Variants in ART1 observed in about 807,000 individuals in gnomAD.
ART1 encodes the protein ADP-ribosyltransferase 1.
A neutral mutation model predicts 27.0 loss-of-function variants in ART1; 29 were observed. The ratio of observed to expected loss-of-function variants is 1.08; its 90% CI spans 0.80 to 1.47. The LOEUF is 1.47. Ranked by LOEUF, ART1 falls within the 40% of genes most tolerant of loss-of-function variation. The probability of loss-of-function intolerance (pLI) is 0.00; values close to 1 mark genes in which losing one functional copy is unlikely to be tolerated. For missense variants in ART1, 480 were observed against 423.0 expected (o/e 1.13, Z -1.18); for synonymous variants, 201 against 172.2 (o/e 1.17, Z -1.31).
intron 1 of ART1, among the ~76,000 whole-genome samples, chr11:3,646,989 T>C (rs184240396): frequency 2.1e-4 from 32 of 152,248 alleles, no homozygotes; most frequent in African/African-American, 7.5e-4. Flanking sequence ...TTAAATGTTC[T>C]TGCTACATGA....
At position 3,648,203 on chromosome 11, in the gene ART1, C is replaced by G. The variant is rs952694829; in HGVS notation, c.-53+3024C>G. 3.3e-5 allele frequency among the ~76,000 whole-genome samples: 5 copies of G among 152,318 alleles called. No homozygotes were observed. In the South Asian group the frequency reaches 1.0e-3, roughly 32 times the overall value. ...AAACGGCCCCACCCTTATCTCCCTTCGCTGACTCTCTTTTCGGACTCAGTC... is the reference window on the plus strand; with the variant it reads ...AAACGGCCCCACCCTTATCTCCCTTGGCTGACTCTCTTTTCGGACTCAGTC... On this transcript the variant is annotated intron_variant, in intron 1 of 4. Transcript: ENST00000250693.
intron 1 of ART1, among the ~76,000 whole-genome samples, chr11:3,654,797 A>C (rs28485465): frequency 7.1e-6 from 1 of 140,650 alleles, no homozygotes; most frequent in Admixed American, 7.5e-5. Flanking sequence ...TCCACCTCCT[A>C]CCTCTGTCTG....
rs528450350 is a variant in ART1 at position 3,653,417 on chromosome 11, C to A, written c.-52-5745C>A. 8.1e-5 allele frequency among the ~76,000 whole-genome samples: 12 copies of A among 148,148 alleles called. 1 individual carries two copies. The South Asian group carries it at 2.2e-3, about 27-fold the overall frequency. The stretch of plus-strand genomic sequence containing the variant: ...CCTGGCTCATCCTGGCTCAAAAGCT[C>A]CTCTACTGCGCACCTTGTGACCCCC... On this transcript the variant is annotated intron_variant, in intron 1 of 4. Coordinates refer to ENST00000250693, the MANE Select transcript of ART1 (RefSeq NM_004314.3).
intron 2 of ART1, 22 bp from the exon 3 acceptor site, chr11:3,659,561 C>G (rs764183700): frequency 1.9e-6 from 3 of 1,566,926 alleles, no homozygotes; most frequent in Admixed American, 3.5e-5. Context: ...CCTCTCAGTC[C>G]CTGCTACTCC....
chr11:3,646,261 G>A (rs542511962), intron 1 of ART1, among the ~76,000 whole-genome samples: 18 of 152,194 alleles, frequency 1.2e-4, no homozygotes, highest in South Asian at 6.2e-4. Context: ...CTGTGGAGGC[G>A]GGGAGATCAG....
intron 1 of ART1, among the ~76,000 whole-genome samples, chr11:3,647,580 GCCGAGATTGCA>G (rs1387227275): frequency 5.3e-5 from 8 of 152,012 alleles, no homozygotes; most frequent in African/African-American, 1.9e-4. Context: ...GTTGAAGTGA[GCCGAGATTGCA>G]CCACTGCACT....
At chr11:3,647,104 A>C (rs988583996) in intron 1 of ART1, among the ~76,000 whole-genome samples, 12 of 152,084 alleles carry the variant, frequency 7.9e-5, no homozygotes, top group Admixed American at 6.6e-4. Flanking sequence ...GCAGCGGATC[A>C]CCTGAGGTCA....
chr11:3,659,069 T>C, intron 1 of ART1, 93 bp from the exon 2 acceptor site: 1 of 748,098 alleles, frequency 1.3e-6, no homozygotes, highest in Admixed American at 2.3e-5. Context: ...CATGTCTGTC[T>C]TATGACTCTC....
intron 1 of ART1, among the ~76,000 whole-genome samples, chr11:3,656,010 G>A (rs1246536882): frequency 1.4e-5 from 2 of 143,006 alleles, no homozygotes; most frequent in South Asian, 2.2e-4. Flanking sequence ...TCGGGTCACT[G>A]CAACCTCCAC....
chr11:3,660,322 C>A lies in ART1; in HGVS notation c.803C>A (p.Ala268Asp), dbSNP rs201158047. ...GGCCCCGCCCGCATCTACCTCCGAG[C>A]CCTGGGCAAGCACAGCACCTACAAC... ...AQGPARIYLR[A>D]LGKHSTYNCE... The change falls in exon 3 of 5, where the codon GCC becomes GAC. Residue 268 changes from alanine to aspartate, a missense_variant. Coordinates refer to ENST00000250693, the MANE Select transcript of ART1 (RefSeq NM_004314.3). 1 of 1,606,278 alleles carries A rather than the reference C, an allele frequency of 6.2e-7. No individual in the cohort carries two copies. Among genetic ancestry groups the A allele is most frequent in the African/African-American group, 1.3e-5 (1 of 74,920 alleles).
intron 1 of ART1, among the ~76,000 whole-genome samples, chr11:3,647,288 C>G (rs2077475980): frequency 1.3e-5 from 2 of 151,500 alleles, no homozygotes; most frequent in African/African-American, 4.9e-5. Flanking sequence ...CACCATTGCA[C>G]TCCAGCCTGG....
Position 3,659,161 on chromosome 11 carries a change from G to T in ART1, c.-52-1G>T. ...TACAGATTAACACTGCAATTTTCCA[G>T]ATGAGGAAACTGAGACCCAAAAAGA... On this transcript the variant is annotated splice_acceptor_variant, in intron 1 of 4. Coordinates refer to ENST00000250693, the MANE Select transcript of ART1 (RefSeq NM_004314.3). LOFTEE classifies it low-confidence loss of function (5UTR_SPLICE). The T allele has an allele frequency of 6.4e-7, 1 of 1,567,674 alleles. No homozygotes were observed. The highest frequency in any genetic ancestry group is 8.8e-7 in the Non-Finnish European group (1 of 1,138,902).
Position 3,659,255 on chromosome 11 carries a change from G to A in ART1, c.42G>A (p.Val14=). The A allele has an allele frequency of 1.2e-6, 2 of 1,614,156 alleles. No individual in the cohort carries two copies. The highest frequency in any genetic ancestry group is 1.7e-6 in the Non-Finnish European group (2 of 1,180,026). ...TGATGTCTCTGCTTCTTGTGTCTGT[G>A]GGCCTCATGGAAGCACTTCAGGTAT... ...PAMMSLLLVS[V]GLMEALQAQS... is the part of the protein sequence containing the mutation. Residue 14 remains valine (V), a synonymous_variant, in exon 2 of 5, where the codon GTG becomes GTA. Transcript: ENST00000250693.
At chr11:3,646,747 G>T (rs1165145318) in intron 1 of ART1, among the ~76,000 whole-genome samples, 5 of 152,108 alleles carry the variant, frequency 3.3e-5, no homozygotes, top group African/African-American at 1.2e-4. Flanking sequence ...TGTCCATTCT[G>T]CTACCTCTTG....
At chr11:3,653,347 C>G (rs542062887) in intron 1 of ART1, among the ~76,000 whole-genome samples, 2 of 148,172 alleles carry the variant, frequency 1.3e-5, no homozygotes, top group Non-Finnish European at 2.9e-5. Context: ...TGAAAATGGC[C>G]GGTTCCTGCC....
chr11:3,656,507 C>T (rs548248882), intron 1 of ART1, among the ~76,000 whole-genome samples: 4 of 152,128 alleles, frequency 2.6e-5, no homozygotes, highest in East Asian at 1.9e-4. Flanking sequence ...CTCAGCCTCC[C>T]GAGTAGCTGG....
At chr11:3,654,923 C>T (rs1295157035) in intron 1 of ART1, among the ~76,000 whole-genome samples, 2 of 152,246 alleles carry the variant, frequency 1.3e-5, no homozygotes, top group Admixed American at 6.5e-5. Flanking sequence ...CAGATGCAGA[C>T]AGAAACAGAG....
At chr11:3,653,712 G>C (rs925579500) in intron 1 of ART1, among the ~76,000 whole-genome samples, 1 of 152,010 alleles carries the variant, frequency 6.6e-6, no homozygotes, top group Non-Finnish European at 1.5e-5. Flanking sequence ...TGGAAACCTG[G>C]GTGTCATCCT....
chr11:3,659,951 C>T lies in ART1; in HGVS notation c.432C>T (p.His144=), dbSNP rs1419745649. 3.7e-6 allele frequency: 6 copies of T among 1,613,746 alleles called. No homozygotes were observed. The highest frequency in any genetic ancestry group is 2.2e-5 in the East Asian group (1 of 44,898). Residue 144 remains histidine (H), a synonymous_variant, in exon 3 of 5, where the codon CAC becomes CAT. Transcript: ENST00000250693. ...AVREAGRSRA[H]YLHHFSFKTL... ...GTGAGGCGGGCCGCTCCCGGGCCCA[C>T]TACCTCCACCACTTCTCCTTCAAGA...
Sources: allele counts gnomAD v4.1 joint callset (sites outside exome capture counted in the v4.1 genomes callset), GRCh38; gene constraint gnomAD v4.1.1; transcripts MANE v1.5; gene names NCBI Gene and HGNC (gene_info 2026-07-23, HGNC 2026-07-21).